ATP5PB: variants seen among roughly 807,000 people sequenced by gnomAD.
The protein encoded by ATP5PB is ATP synthase peripheral stalk subunit b, mitochondrial.
In ATP5PB, 21 loss-of-function variants were observed where a neutral mutation model predicts 34.5. That is an observed-to-expected ratio of 0.61 (90% CI 0.43 to 0.88). The LOEUF (loss-of-function observed/expected upper bound fraction) is 0.88. ATP5PB is among the 40% of genes least tolerant of loss of function. The pLI is 0.00. For missense variants in ATP5PB, 293 were observed against 317.4 expected (o/e 0.92, Z 0.58); for synonymous variants, 108 against 114.1 (o/e 0.95, Z 0.34).
chr1:111,449,727 G>A lies in ATP5PB; in HGVS notation c.41-110G>A, dbSNP rs1557798130. On this transcript the variant is annotated intron_variant, in intron 1 of 6. Transcript: ENST00000369722. ...TTCGGAAGGGAGCGTGGGGTCTTGA[G>A]GGACGGGAAAGAGGGGTACATAGGC... 4.4e-6 allele frequency: 7 copies of A among 1,578,568 alleles called. No individual in the cohort carries two copies. In the East Asian group the frequency reaches 1.1e-4, roughly 25 times the overall value.
intron 3 of ATP5PB, among the ~76,000 whole-genome samples, chr1:111,454,845 A>G (rs566347651): frequency 6.6e-6 from 1 of 152,204 alleles, no homozygotes; most frequent in South Asian, 2.1e-4. Context: ...ATTTTACAGC[A>G]TTATCTCTGT....
chr1:111,449,883 A>T lies in ATP5PB; in HGVS notation c.77+10A>T, dbSNP rs866109184. The stretch of plus-strand genomic sequence containing the variant: ...CCTTCCTAGGTCCAGGGTAAGTGTG[A>T]GGATAATGCTCCCTTTCGTCTTTGT... On this transcript the variant is annotated intron_variant, in intron 2 of 6. Transcript: ENST00000369722. The T allele has an allele frequency of 2.5e-6, 4 of 1,614,088 alleles. No homozygotes were observed. The Middle Eastern group carries it at 6.6e-4, about 266-fold the overall frequency.
chr1:111,461,901 G>GA lies in ATP5PB; in HGVS notation c.*924dup, dbSNP rs34311324. On this transcript the variant is annotated 3_prime_UTR_variant, in exon 7 of 7. Transcript: ENST00000369722. ...GGGCAACAGACCTCGACTCCATCTAGAAAAAAAAAAAAAAAAATCCAGCAG... is the reference window on the plus strand; with the variant it reads ...GGGCAACAGACCTCGACTCCATCTAGAAAAAAAAAAAAAAAAAATCCAGCAG... 0.32 allele frequency: 37,068 copies of GA among 115,762 alleles called. 5,184 individuals are homozygous for GA. The highest frequency in any genetic ancestry group is 0.44 in the South Asian group (1,687 of 3,876). The allele number at this position is 115,762 out of a possible 1,614,324, so 7.2% of individuals were successfully genotyped here.
rs1195350396 is a variant in ATP5PB, at chr1:111,449,495, T to C, written c.-47T>C. On this transcript the variant is annotated 5_prime_UTR_variant, in exon 1 of 7. Transcript: ENST00000369722. ...GGTCCTGCCCTGACAGATTCTCCTA[T>C]CGGGGTCACAGGGACGCTAAGATTG... 1.2e-6 allele frequency: 2 copies of C among 1,614,208 alleles called. No individual in the cohort carries two copies. Among genetic ancestry groups the C allele is most frequent in the South Asian group, 1.1e-5 (1 of 91,084 alleles).
chr1:111,459,994 G>C (rs765204034), intron 6 of ATP5PB, among the ~76,000 whole-genome samples: 1 of 152,002 alleles, frequency 6.6e-6, no homozygotes, highest in Non-Finnish European at 1.5e-5. Flanking sequence ...GCGAGATCCT[G>C]TCTCTACAAA....
intron 2 of ATP5PB, among the ~76,000 whole-genome samples, chr1:111,452,891 A>G (rs1029681198): frequency 6.6e-6 from 1 of 152,220 alleles, no homozygotes; most frequent in African/African-American, 2.4e-5. Flanking sequence ...CAACAAAGAA[A>G]TATCCAGTTC....
chr1:111,456,666 T>A lies in ATP5PB; in HGVS notation c.424T>A (p.Ser142Thr). 1 of 1,613,640 alleles carries A rather than the reference T, an allele frequency of 6.2e-7. No homozygotes were observed. Among genetic ancestry groups the A allele is most frequent in the Non-Finnish European group, 8.5e-7 (1 of 1,179,820 alleles). The change falls in exon 5 of 7, where the codon TCC (serine) becomes ACC (threonine). Residue 142 changes from serine (S) to threonine (T), a missense_variant. Physicochemically the swap from Ser to Thr is moderately conservative, Grantham distance 58. Transcript: ENST00000369722. ...LAQLEEAKQA[S>T]IQHIQNAIDT... ...CCAACTAGAAGAGGCGAAGCAGGCTTCCATCCAACACATCCAGAATGCAAT... is the reference window on the plus strand; with the variant it reads ...CCAACTAGAAGAGGCGAAGCAGGCTACCATCCAACACATCCAGAATGCAAT...
intron 5 of ATP5PB, among the ~76,000 whole-genome samples, chr1:111,457,312 AACACACACACAC>A (rs111663185): frequency 6.8e-6 from 1 of 146,718 alleles, no homozygotes; most frequent in Non-Finnish European, 1.5e-5. Flanking sequence ...GACTCTCTCA[AACACACACACAC>A]ACACACACAC....
At chr1:111,451,117 A>G (rs1033656909) in intron 2 of ATP5PB, among the ~76,000 whole-genome samples, 1 of 152,142 alleles carries the variant, frequency 6.6e-6, no homozygotes, top group Non-Finnish European at 1.5e-5. Context: ...GATTATGTCA[A>G]TCCCCCACCA....
intron 6 of ATP5PB, among the ~76,000 whole-genome samples, chr1:111,459,896 G>T (rs1653570127): frequency 1.3e-5 from 2 of 152,148 alleles, no homozygotes; most frequent in African/African-American, 4.8e-5. Flanking sequence ...TGGGCACGGT[G>T]GCTCACACCT....
chr1:111,456,482 C>CT (rs1410321545), intron 4 of ATP5PB, 148 bp from the exon 5 acceptor site: 2 of 1,207,284 alleles, frequency 1.7e-6, no homozygotes, highest in Admixed American at 3.4e-5. Flanking sequence ...ATGGGCAATT[C>CT]TTTTTAAGGA....
intron 2 of ATP5PB, among the ~76,000 whole-genome samples, 172 bp from the exon 3 acceptor site, chr1:111,454,039 C>T (rs1653401942): frequency 6.6e-6 from 1 of 152,200 alleles, no homozygotes; most frequent in Non-Finnish European, 1.5e-5. Context: ...TTGCTGTTGT[C>T]ACAGCTGATT....
chr1:111,454,231 C>T lies in ATP5PB; in HGVS notation c.98C>T (p.Thr33Ile). Residue 33 changes from threonine to isoleucine, a missense_variant, in exon 3 of 7, where the codon ACC (threonine) becomes ATC (isoleucine). Thr to Ile is a moderately conservative substitution (Grantham distance 89, BLOSUM62 -1). Coordinates refer to ENST00000369722, the MANE Select transcript of ATP5PB (RefSeq NM_001688.5). ...LGPGVLQATR[T>I]FHTGQPHLVP... Reference sequence around the variant, plus strand: ...TGTAGGGTATTGCAGGCAACAAGGACCTTTCATACAGGGCAGCCACACCTT... The same window carrying T: ...TGTAGGGTATTGCAGGCAACAAGGATCTTTCATACAGGGCAGCCACACCTT... 1 of 1,601,260 alleles carries T rather than the reference C, an allele frequency of 6.2e-7. No individual in the cohort carries two copies. The highest frequency in any genetic ancestry group is 1.1e-5 in the South Asian group (1 of 88,550).
intron 5 of ATP5PB, 139 bp from the exon 6 acceptor site, chr1:111,459,318 A>T: frequency 1.3e-6 from 1 of 756,042 alleles, no homozygotes; most frequent in Non-Finnish European, 2.0e-6. Context: ...TATAATTTCT[A>T]GGTACATATT....
rs375221437 is a variant in ATP5PB at position 111,451,928 on chromosome 1, A to G, written c.77+2055A>G. 5.9e-5 allele frequency among the ~76,000 whole-genome samples: 9 copies of G among 152,182 alleles called. No individual in the cohort carries two copies. The East Asian group carries it at 1.4e-3, about 23-fold the overall frequency. ...AGTTCAAGACTAGCCTGGGCAACAT[A>G]GACAAAAACAAAACAACAAAAATTT... On this transcript the variant is annotated intron_variant, in intron 2 of 6. Transcript: ENST00000369722.
chr1:111,454,150 T>G, intron 2 of ATP5PB, 61 bp from the exon 3 acceptor site: 3 of 1,439,590 alleles, frequency 2.1e-6, no homozygotes, highest in Non-Finnish European at 2.8e-6. Flanking sequence ...CTGCTCATTA[T>G]TCATACACTG....
At chr1:111,452,683 A>G (rs574529116) in intron 2 of ATP5PB, among the ~76,000 whole-genome samples, 1 of 152,352 alleles carries the variant, frequency 6.6e-6, no homozygotes, top group Non-Finnish European at 1.5e-5. Context: ...CAGCCTAAGC[A>G]TACCATTTAG....
At chr1:111,449,603 C>T in intron 1 of ATP5PB, 22 bp downstream of exon 1, 14 of 1,586,834 alleles carry the variant, frequency 8.8e-6, no homozygotes, top group Non-Finnish European at 1.2e-5. Context: ...AGACCCTGCT[C>T]TGGACTATCA....
rs1352332791 is a variant in ATP5PB, at chr1:111,449,478, C to T, written c.-64C>T. On this transcript the variant is annotated 5_prime_UTR_variant, in exon 1 of 7. Transcript: ENST00000369722. ...TTGTGAGCGGCCATCTTGGTCCTGC[C>T]CTGACAGATTCTCCTATCGGGGTCA... 4 of 1,614,036 alleles carry T rather than the reference C, an allele frequency of 2.5e-6. No homozygotes were observed. Among genetic ancestry groups the T allele is most frequent in the Non-Finnish European group, 3.4e-6 (4 of 1,180,022 alleles).
Sources: allele counts gnomAD v4.1 joint callset (sites outside exome capture counted in the v4.1 genomes callset), GRCh38; gene constraint gnomAD v4.1.1; transcripts MANE v1.5; gene names NCBI Gene and HGNC (gene_info 2026-07-23, HGNC 2026-07-21).